ZNF521: variants seen among roughly 807,000 people sequenced by gnomAD.
The protein encoded by ZNF521 is zinc finger protein 521.
Under a neutral mutation model 105.5 loss-of-function variants are expected in ZNF521, and 14 were observed. The ratio of observed to expected loss-of-function variants is 0.13; its 90% CI spans 0.09 to 0.21. The LOEUF is 0.21. Among genes scored for constraint, ZNF521 ranks in the 10% least tolerant of loss-of-function variants. The pLI, the probability that ZNF521 is intolerant of heterozygous loss-of-function variation, is 1.00. For missense variants in ZNF521, 1,233 were observed against 1,629.7 expected, an observed-to-expected ratio of 0.76 and a Z score of 4.19; for synonymous variants, 635 against 606.0, an observed-to-expected ratio of 1.05 and a Z score of -0.70.
rs950578693 is a variant in ZNF521 at position 25,161,626 on chromosome 18, T to G, written c.3658+33534A>C. ...TAAAACTCTTTTGAAGACAATGAGC[T>G]GATTTGAAACTTACAAAATCACAGA... On this transcript the variant is annotated intron_variant, in intron 5 of 7. Transcript: ENST00000361524. Among the ~76,000 whole-genome samples the G allele has an allele frequency of 3.3e-5, 5 of 152,222 alleles. No homozygotes were observed. The South Asian group carries it at 6.2e-4, about 19-fold the overall frequency.
At chr18:25,248,616 C>A (rs999806632) in intron 3 of ZNF521, among the ~76,000 whole-genome samples, 21 of 152,144 alleles carry the variant, frequency 1.4e-4, no homozygotes, top group South Asian at 4.1e-4. Flanking sequence ...ATTTAAAGAA[C>A]TTTATCTTTA....
chr18:25,099,881 A>G (rs1048675582), intron 5 of ZNF521, among the ~76,000 whole-genome samples: 4 of 152,184 alleles, frequency 2.6e-5, no homozygotes, highest in African/African-American at 9.6e-5. Flanking sequence ...TAGTTCATGC[A>G]GCATAAACTA....
At chr18:25,188,543 C>T (rs2035765489) in intron 5 of ZNF521, among the ~76,000 whole-genome samples, 1 of 152,124 alleles carries the variant, frequency 6.6e-6, no homozygotes, top group South Asian at 2.1e-4. Context: ...ACTTTTAGTG[C>T]CCTCCATTCG....
chr18:25,113,990 T>A (rs111996629), intron 5 of ZNF521, among the ~76,000 whole-genome samples: 3 of 37,832 alleles, frequency 7.9e-5, no homozygotes, highest in African/African-American at 3.7e-4. Flanking sequence ...TAAAAAAGCC[T>A]TTTTTTTTTG....
At chr18:25,119,637 G>A (rs2034395596) in intron 5 of ZNF521, among the ~76,000 whole-genome samples, 1 of 151,936 alleles carries the variant, frequency 6.6e-6, no homozygotes, top group Admixed American at 6.5e-5. Flanking sequence ...GAAAGATACT[G>A]AAAATTTAAT....
At chr18:25,078,450 C>G (rs555846995) in intron 7 of ZNF521, among the ~76,000 whole-genome samples, 1 of 152,150 alleles carries the variant, frequency 6.6e-6, no homozygotes, top group Non-Finnish European at 1.5e-5. Flanking sequence ...GCAGGATGAA[C>G]GAGACGATGT....
intron 5 of ZNF521, among the ~76,000 whole-genome samples, chr18:25,154,378 A>AT (rs1196813906): frequency 3.3e-5 from 5 of 152,092 alleles, no homozygotes; most frequent in Non-Finnish European, 7.4e-5. Context: ...GGACAAAAAG[A>AT]TTTTTCTCAG....
At chr18:25,318,103 T>C (rs956652524) in intron 3 of ZNF521, among the ~76,000 whole-genome samples, 3 of 152,126 alleles carry the variant, frequency 2.0e-5, no homozygotes, top group African/African-American at 4.8e-5. Flanking sequence ...CAAATAATGA[T>C]ATGTTCATAT....
Position 25,078,450 on chromosome 18 carries a change from C to T in ZNF521, c.3906+11015G>A, listed in dbSNP as rs555846995. Among the ~76,000 whole-genome samples, 37 of 152,266 alleles carry T rather than the reference C, an allele frequency of 2.4e-4. No individual in the cohort carries two copies. The South Asian group carries it at 7.7e-3, about 32-fold the overall frequency. On this transcript the variant is annotated intron_variant, in intron 7 of 7. Coordinates refer to ENST00000361524, the MANE Select transcript of ZNF521 (RefSeq NM_015461.3). Reference sequence around the variant, plus strand: ...CCCTACTTTTCCTTTGCAGGATGAACGAGACGATGTGACTAATGCCACCCA... The same window carrying T: ...CCCTACTTTTCCTTTGCAGGATGAATGAGACGATGTGACTAATGCCACCCA...
intron 3 of ZNF521, among the ~76,000 whole-genome samples, chr18:25,257,488 G>T (rs1908600803): frequency 6.6e-6 from 1 of 152,150 alleles, no homozygotes; most frequent in Non-Finnish European, 1.5e-5. Context: ...AAAGGGACTA[G>T]ATTTCTATAC....
intron 7 of ZNF521, among the ~76,000 whole-genome samples, chr18:25,073,853 T>C (rs1489068336): frequency 6.7e-6 from 1 of 149,434 alleles, no homozygotes; most frequent in Non-Finnish European, 1.5e-5. Context: ...AAACATGTTA[T>C]AAATCATTAA....
At chr18:25,102,642 A>C (rs1401366901) in intron 5 of ZNF521, among the ~76,000 whole-genome samples, 1 of 151,960 alleles carries the variant, frequency 6.6e-6, no homozygotes, top group Non-Finnish European at 1.5e-5. Context: ...ATCCTTCTTG[A>C]ATAGCCAGGA....
rs762485533 is a variant in ZNF521 at position 25,222,263 on chromosome 18, T to C, written c.3573+2082A>G. 3.3e-5 allele frequency among the ~76,000 whole-genome samples: 5 copies of C among 152,204 alleles called. No individual in the cohort carries two copies. The South Asian group carries it at 6.2e-4, about 19-fold the overall frequency. On this transcript the variant is annotated intron_variant, in intron 4 of 7. Coordinates refer to ENST00000361524, the MANE Select transcript of ZNF521 (RefSeq NM_015461.3). ...ATCCTATGTAAGTGCAGGATAAAGA[T>C]AGGCTTTCTAAATATCACTAAGATT...
Position 25,298,767 on chromosome 18 carries a change from A to G in ZNF521, c.220+23241T>C, listed in dbSNP as rs187333637. On this transcript the variant is annotated intron_variant, in intron 3 of 7. Coordinates refer to ENST00000361524, the MANE Select transcript of ZNF521 (RefSeq NM_015461.3). ...ATGCTTTAAAAAAAATCATTGGAGA[A>G]GGAAATACCATCTTATACTGTGAAA... Among the ~76,000 whole-genome samples, 414 of 152,304 alleles carry G rather than the reference A, an allele frequency of 2.7e-3. 2 individuals carry two copies. The highest frequency in any genetic ancestry group is 2.4e-3 in the Non-Finnish European group (160 of 68,024).
At chr18:25,329,052 C>T (rs1170838252) in intron 2 of ZNF521, among the ~76,000 whole-genome samples, 4 of 152,176 alleles carry the variant, frequency 2.6e-5, no homozygotes, top group African/African-American at 9.7e-5. Context: ...AGTAAGCAAA[C>T]ATTTCTTGAG....
chr18:25,146,242 G>A (rs1423754946), intron 5 of ZNF521, among the ~76,000 whole-genome samples: 2 of 152,032 alleles, frequency 1.3e-5, no homozygotes, highest in Non-Finnish European at 2.9e-5. Context: ...AGTGGATAAT[G>A]AACAATAAGC....
chr18:25,326,971 C>T (rs1913254452), intron 2 of ZNF521, among the ~76,000 whole-genome samples: 1 of 152,144 alleles, frequency 6.6e-6, no homozygotes, highest in African/African-American at 2.4e-5. Context: ...CCACACAGTG[C>T]CCAGTGAGTT....
intron 3 of ZNF521, among the ~76,000 whole-genome samples, chr18:25,240,594 A>G (rs1332388894): frequency 6.6e-5 from 10 of 152,134 alleles, no homozygotes; most frequent in African/African-American, 9.7e-5. Flanking sequence ...TCATCACACA[A>G]TCTGCTAGAG....
chr18:25,120,254 C>A (rs1481795319), intron 5 of ZNF521, among the ~76,000 whole-genome samples: 1 of 152,158 alleles, frequency 6.6e-6, no homozygotes, highest in Non-Finnish European at 1.5e-5. Flanking sequence ...GTCAGCATAA[C>A]CTTAATATCA....
Sources: allele counts gnomAD v4.1 joint callset (sites outside exome capture counted in the v4.1 genomes callset), GRCh38; gene constraint gnomAD v4.1.1; transcripts MANE v1.5; gene names NCBI Gene and HGNC (gene_info 2026-07-23, HGNC 2026-07-21).